EYS: variants seen among roughly 807,000 people sequenced by gnomAD.
EYS encodes the protein EGF-like photoreceptor maintenance factor.
EYS carries 250 observed loss-of-function variants against 282.1 expected under a neutral mutation model. The observed-to-expected ratio is 0.89, with a 90% CI of 0.80 to 0.98. The LOEUF (loss-of-function observed/expected upper bound fraction) is 0.98. EYS is among the 50% of genes least tolerant of loss of function. EYS has a pLI of 0.00. For missense variants in EYS, 4,016 were observed against 3,709.0 expected, an observed-to-expected ratio of 1.08 and a Z score of -2.15; for synonymous variants, 1,355 against 1,282.9, an observed-to-expected ratio of 1.06 and a Z score of -1.20.
At chr6:64,968,687 T>C (rs965739179) in intron 14 of EYS, among the ~76,000 whole-genome samples, 2 of 152,144 alleles carry the variant, frequency 1.3e-5, no homozygotes, top group African/African-American at 4.8e-5. Context: ...ATGTTTATTT[T>C]CTTTACTAGT....
At chr6:64,798,104 T>A (rs1055275041) in intron 22 of EYS, among the ~76,000 whole-genome samples, 2 of 151,902 alleles carry the variant, frequency 1.3e-5, no homozygotes, top group Admixed American at 6.6e-5. Flanking sequence ...AGCAGATCAC[T>A]TTTTTTCTAA....
chr6:64,732,715 G>C (rs1772015927), intron 22 of EYS, among the ~76,000 whole-genome samples: 2 of 149,500 alleles, frequency 1.3e-5, no homozygotes, highest in Middle Eastern at 3.5e-3. Context: ...ATACCTCAGG[G>C]ATCAGGCAGA....
intron 13 of EYS, among the ~76,000 whole-genome samples, chr6:65,044,527 T>A (rs1424769925): frequency 4.6e-5 from 7 of 151,864 alleles, no homozygotes; most frequent in Non-Finnish European, 1.0e-4. Flanking sequence ...ATTCTGAGGA[T>A]GAAGTCTCTC....
intron 29 of EYS, among the ~76,000 whole-genome samples, chr6:64,315,798 C>A (rs2150381158): frequency 6.6e-6 from 1 of 151,806 alleles, no homozygotes; most frequent in South Asian, 2.1e-4. Flanking sequence ...TCCCTATGAA[C>A]ATCGATGAGA....
intron 2 of EYS, among the ~76,000 whole-genome samples, chr6:65,528,942 C>A (rs1347085123): frequency 1.3e-5 from 2 of 152,076 alleles, no homozygotes; most frequent in African/African-American, 4.8e-5. Flanking sequence ...TGCAAATTTT[C>A]AGAAATCTAG....
At chr6:65,071,394 C>A (rs1471780667) in intron 12 of EYS, among the ~76,000 whole-genome samples, 3 of 151,704 alleles carry the variant, frequency 2.0e-5, no homozygotes, top group African/African-American at 7.3e-5. Flanking sequence ...TCTAAACAAT[C>A]AGAATGGGAC....
intron 14 of EYS, among the ~76,000 whole-genome samples, chr6:64,953,654 C>G (rs985288150): frequency 2.0e-5 from 3 of 151,436 alleles, no homozygotes; most frequent in African/African-American, 7.3e-5. Context: ...TGCTTTAAAT[C>G]TAAAGTAAAA....
intron 14 of EYS, among the ~76,000 whole-genome samples, chr6:64,973,224 A>G (rs1770357045): frequency 6.6e-6 from 1 of 152,076 alleles, no homozygotes; most frequent in Non-Finnish European, 1.5e-5. Context: ...AAACAAATCT[A>G]TAGGAAAGAC....
intron 35 of EYS, among the ~76,000 whole-genome samples, chr6:63,879,368 C>G (rs1243880610): frequency 1.3e-5 from 2 of 152,060 alleles, no homozygotes; most frequent in Admixed American, 1.3e-4. Flanking sequence ...AAGAAAACCT[C>G]TGGATTACAA....
At chr6:64,864,385 C>CTTTTGTTTTTTTTTTTTTTTTTTTTTTT (rs1766349123) in intron 19 of EYS, among the ~76,000 whole-genome samples, 1 of 57,166 alleles carries the variant, frequency 1.7e-5, no homozygotes, top group Non-Finnish European at 3.6e-5. Context: ...GCTATACCTT[C>CTTTTGTTTTTTTTTTTTTTTTTTTTTTT]TTTTTTTTTT....
intron 41 of EYS, among the ~76,000 whole-genome samples, chr6:63,739,509 C>T (rs1769017887): frequency 6.6e-6 from 1 of 152,132 alleles, no homozygotes; most frequent in South Asian, 2.1e-4. Flanking sequence ...AGGCAGCTCT[C>T]TTCAGTCCTC....
At chr6:63,874,046 G>A (rs141007677) in intron 35 of EYS, among the ~76,000 whole-genome samples, 1,639 of 152,230 alleles carry the variant, frequency 0.011, 24 homozygotes, top group African/African-American at 0.038. Flanking sequence ...TGCTTTTGAT[G>A]TTTTAGTCAT....
intron 12 of EYS, among the ~76,000 whole-genome samples, chr6:65,194,987 G>T (rs1765731126): frequency 6.6e-6 from 1 of 151,704 alleles, no homozygotes; most frequent in Non-Finnish European, 1.5e-5. Flanking sequence ...TTATTACAAA[G>T]GCTGTATGTT....
chr6:65,538,346 A>G (rs1038141116), intron 2 of EYS, among the ~76,000 whole-genome samples: 16 of 152,204 alleles, frequency 1.1e-4, no homozygotes, highest in African/African-American at 3.1e-4. Flanking sequence ...TTGAGAATCT[A>G]TATTTTAACA....
chr6:64,994,109 T>G (rs149076356), intron 14 of EYS, among the ~76,000 whole-genome samples: 48 of 152,102 alleles, frequency 3.2e-4, no homozygotes, highest in African/African-American at 1.1e-3. Context: ...AAATAGTTAT[T>G]CTCAAATATA....
At position 64,590,882 on chromosome 6, in the gene EYS, T is replaced by C. The variant is rs147641443; in HGVS notation, c.4985A>G (p.Asp1662Gly). 8 of 1,550,656 alleles carry C rather than the reference T, an allele frequency of 5.2e-6. No individual in the cohort carries two copies. The highest frequency in any genetic ancestry group is 7.0e-6 in the Non-Finnish European group (8 of 1,146,664). ...SSNLDVNLCL[D>G]KTCLSIVPSQ... ...AGGGACAATGGATAAACAAGTCTTA[T>C]CCAAACATAAATTAACATCCAAATT... The change falls in exon 26 of 43, where the codon GAT becomes GGT. Residue 1662 changes from aspartate (D) to glycine (G), a missense_variant. Asp to Gly is a moderately conservative substitution (Grantham distance 94). Transcript: ENST00000503581.
chr6:64,742,073 C>T (rs1298314747), intron 22 of EYS, among the ~76,000 whole-genome samples: 2 of 152,092 alleles, frequency 1.3e-5, no homozygotes, highest in Non-Finnish European at 2.9e-5. Flanking sequence ...CTTCAATAGG[C>T]TTAGTCATTT....
chr6:64,018,526 T>C (rs1769004246), intron 33 of EYS, among the ~76,000 whole-genome samples: 2 of 152,156 alleles, frequency 1.3e-5, no homozygotes, highest in Admixed American at 1.3e-4. Flanking sequence ...AAATTTTTTG[T>C]GGTGTCTCAA....
At chr6:64,153,135 C>T (rs1255017857) in intron 31 of EYS, among the ~76,000 whole-genome samples, 2 of 152,116 alleles carry the variant, frequency 1.3e-5, no homozygotes, top group Non-Finnish European at 2.9e-5. Context: ...ATACTCCCAA[C>T]CATCCTATTT....
Sources: allele counts gnomAD v4.1 joint callset (sites outside exome capture counted in the v4.1 genomes callset), GRCh38; gene constraint gnomAD v4.1.1; transcripts MANE v1.5; gene names NCBI Gene and HGNC (gene_info 2026-07-23, HGNC 2026-07-21).